The following DOCK5 variants were observed in gnomAD, a reference collection of about 807,000 sequenced individuals.
DOCK5 encodes the protein dedicator of cytokinesis 5.
DOCK5 carries 142 observed loss-of-function variants against 251.8 expected under a neutral mutation model. The observed-to-expected ratio is 0.56, with a 90% CI of 0.49 to 0.65. The LOEUF (loss-of-function observed/expected upper bound fraction) is 0.65. DOCK5 is among the 30% of genes least tolerant of loss of function. DOCK5 has a pLI of 0.00. For synonymous variants in DOCK5, 842 were observed against 835.5 expected (o/e 1.01, Z -0.13); for missense variants, 2,111 against 2,312.3 (o/e 0.91, Z 1.79).
rs564784971 is a variant in DOCK5 at position 25,227,691 on chromosome 8, T to C, written c.44-15983T>C. ...AAGTCCAAGTGAGGTTCTAATCCTA[T>C]TTAAATCTACCACATATAATCTGGT... On this transcript the variant is annotated intron_variant, in intron 1 of 51. Transcript: ENST00000276440. Among the ~76,000 whole-genome samples the C allele has an allele frequency of 2.0e-5, 3 of 152,342 alleles. No homozygotes were observed. The South Asian group carries it at 6.2e-4, about 32-fold the overall frequency.
chr8:25,306,094 A>T (rs990082518), intron 11 of DOCK5, among the ~76,000 whole-genome samples: 8 of 152,174 alleles, frequency 5.3e-5, no homozygotes, highest in Non-Finnish European at 7.4e-5. Context: ...TTATTTTTTT[A>T]AAATATGGCC....
intron 13 of DOCK5, among the ~76,000 whole-genome samples, chr8:25,315,652 C>T (rs898969929): frequency 6.6e-6 from 1 of 152,346 alleles, no homozygotes; most frequent in East Asian, 1.9e-4. Flanking sequence ...AATGAATATC[C>T]TTACAGATAA....
Position 25,380,396 on chromosome 8 carries a change from T to A in DOCK5, c.4026+2T>A. On this transcript the variant is annotated splice_donor_variant, in intron 39 of 51. Transcript: ENST00000276440. LOFTEE classifies it high-confidence loss of function. Reference sequence around the variant, plus strand: ...TACGAGGGCCTTGGCAACCTCCTGGTGAGTCTGGGTCAAAATATGTTAGGC... The same window carrying A: ...TACGAGGGCCTTGGCAACCTCCTGGAGAGTCTGGGTCAAAATATGTTAGGC... 6.2e-7 allele frequency: 1 copy of A among 1,605,084 alleles called. No homozygotes were observed. Among genetic ancestry groups the A allele is most frequent in the Non-Finnish European group, 8.5e-7 (1 of 1,175,414 alleles).
At chr8:25,259,307 TG>T (rs1171704803) in intron 2 of DOCK5, among the ~76,000 whole-genome samples, 8 of 152,074 alleles carry the variant, frequency 5.3e-5, no homozygotes, top group African/African-American at 1.9e-4. Context: ...AGCAGGGCCG[TG>T]GGCTAGCTTG....
At chr8:25,190,129 T>C (rs1966077) in intron 1 of DOCK5, among the ~76,000 whole-genome samples, 122,162 of 152,166 alleles carry the variant, frequency 0.8, 50,638 homozygotes, top group Non-Finnish European at 0.9. Context: ...TCATGTGATG[T>C]GCCCGCCTTG....
At position 25,308,795 on chromosome 8, in the gene DOCK5, A is replaced by G; in HGVS notation, c.1062A>G (p.Glu354=). ...HFIPFQQIAM[E]TYIRQRQLIM... is the part of the protein sequence containing the mutation. ...TCTCTTTCCCAAGAATTGCGATGGA[A>G]ACCTACATCCGCCAGAGGCAGCTCA... The change falls in exon 12 of 52, where the codon GAA becomes GAG. Residue 354 remains glutamate, a synonymous_variant. Coordinates refer to ENST00000276440, the MANE Select transcript of DOCK5 (RefSeq NM_024940.8). 1 of 1,613,810 alleles carries G rather than the reference A, an allele frequency of 6.2e-7. No individual in the cohort carries two copies. Among genetic ancestry groups the G allele is most frequent in the Non-Finnish European group, 8.5e-7 (1 of 1,179,756 alleles).
chr8:25,363,140 A>G lies in DOCK5; in HGVS notation c.3043A>G (p.Arg1015Gly), dbSNP rs1313159414. The G allele has an allele frequency of 1.2e-6, 2 of 1,613,472 alleles. No homozygotes were observed. The highest frequency in any genetic ancestry group is 1.7e-6 in the Non-Finnish European group (2 of 1,179,474). ...GATGGTGATGAATATGACTCAAAAC[A>G]GGTGAGACAGCCCATGGCTGGCCCT... ...DWMVMNMTQN[R>G]VFLRAINQFA... is the part of the protein sequence containing the mutation. The change falls in exon 29 of 52, where the codon AGG (arginine) becomes GGG (glycine). Residue 1015 changes from arginine to glycine, a missense_variant and splice_region_variant. Transcript: ENST00000276440.
intron 1 of DOCK5, among the ~76,000 whole-genome samples, chr8:25,219,255 A>T (rs1036120229): frequency 3.9e-5 from 6 of 152,038 alleles, no homozygotes; most frequent in Non-Finnish European, 7.4e-5. Context: ...TTCCTTGTAC[A>T]GTTTTCTTTT....
At chr8:25,264,195 C>G (rs753668233) in intron 2 of DOCK5, among the ~76,000 whole-genome samples, 13 of 151,410 alleles carry the variant, frequency 8.6e-5, no homozygotes, top group East Asian at 1.9e-4. Context: ...GATGCCATCT[C>G]TATAAAAAAT....
At chr8:25,222,484 A>C (rs906632970) in intron 1 of DOCK5, among the ~76,000 whole-genome samples, 7 of 152,136 alleles carry the variant, frequency 4.6e-5, no homozygotes, top group African/African-American at 1.7e-4. Context: ...CCGTTGAGTA[A>C]AAGCGTGTGA....
chr8:25,242,297 A>T (rs534522378), intron 1 of DOCK5, among the ~76,000 whole-genome samples: 1 of 152,288 alleles, frequency 6.6e-6, no homozygotes, highest in African/African-American at 2.4e-5. Flanking sequence ...TAAGGTTCTT[A>T]TGTAGACACA....
intron 1 of DOCK5, among the ~76,000 whole-genome samples, chr8:25,220,277 T>G (rs1366580630): frequency 6.6e-6 from 1 of 152,110 alleles, no homozygotes; most frequent in Non-Finnish European, 1.5e-5. Context: ...CTTGGCCGCT[T>G]GTTCCTATAT....
intron 27 of DOCK5, 39 bp downstream of exon 27, chr8:25,351,865 T>G: frequency 6.3e-7 from 1 of 1,581,098 alleles, no homozygotes; most frequent in Non-Finnish European, 8.7e-7. Flanking sequence ...CCGCTGCTGT[T>G]TCTCTGTCCC....
rs543680652 is a variant in DOCK5 at position 25,379,488 on chromosome 8, C to T, written c.3937-817C>T. ...GGCAGTCAGACCTTATGGTTGTCTT[C>T]CCTTGTTCCCAAAAAATCGCTGTTA... is the stretch of plus-strand genomic sequence containing the variant. On this transcript the variant is annotated intron_variant, in intron 38 of 51. Coordinates refer to ENST00000276440, the MANE Select transcript of DOCK5 (RefSeq NM_024940.8). Among the ~76,000 whole-genome samples, 83 of 152,232 alleles carry T rather than the reference C, an allele frequency of 5.5e-4. 1 individual carries two copies. In the South Asian group the frequency reaches 0.014, roughly 26 times the overall value.
chr8:25,223,835 G>A (rs998234385), intron 1 of DOCK5, among the ~76,000 whole-genome samples: 1 of 152,112 alleles, frequency 6.6e-6, no homozygotes, highest in Non-Finnish European at 1.5e-5. Context: ...TAAACAGCGA[G>A]ACCCTGTACT....
intron 1 of DOCK5, among the ~76,000 whole-genome samples, chr8:25,207,710 T>C (rs1370752851): frequency 6.6e-6 from 1 of 152,218 alleles, no homozygotes. Context: ...CCATTGACAA[T>C]GCACCAGGTC....
intron 2 of DOCK5, among the ~76,000 whole-genome samples, chr8:25,251,489 A>C (rs1803266992): frequency 6.6e-6 from 1 of 152,172 alleles, no homozygotes; most frequent in Admixed American, 6.5e-5. Context: ...CTAGTTTTTG[A>C]ATGCACTTTA....
intron 1 of DOCK5, among the ~76,000 whole-genome samples, chr8:25,192,675 TTTG>T (rs969716366): frequency 2.0e-5 from 3 of 152,052 alleles, no homozygotes; most frequent in Admixed American, 6.6e-5. Flanking sequence ...CTGGCTAATT[TTTG>T]TTGTTGTTGT....
chr8:25,328,692 T>C (rs1805618310), intron 18 of DOCK5, among the ~76,000 whole-genome samples: 1 of 152,140 alleles, frequency 6.6e-6, no homozygotes, highest in African/African-American at 2.4e-5. Context: ...GACTCTTTTG[T>C]TTACTTGATT....
Sources: gnomAD v4.1 joint callset for allele counts (sites outside exome capture counted in the v4.1 genomes callset) on GRCh38, gnomAD v4.1.1 for gene constraint, MANE v1.5 for transcripts, NCBI Gene and HGNC (gene_info 2026-07-23, HGNC 2026-07-21) for gene names.